The following RASA3 variants were observed in gnomAD, a reference collection of about 807,000 sequenced individuals.
The protein encoded by RASA3 is RAS p21 protein activator 3.
In RASA3, 73 loss-of-function variants were observed where a neutral mutation model predicts 110.0. The ratio of observed to expected loss-of-function variants is 0.66; its 90% CI spans 0.55 to 0.81. The LOEUF is 0.81. RASA3 is among the 30% of genes least tolerant of loss of function. RASA3 has a pLI of 0.00. For synonymous variants in RASA3, 500 were observed against 451.4 expected (o/e 1.11, Z -1.37); for missense variants, 976 against 1,113.2 (o/e 0.88, Z 1.75).
rs1416342914 is a variant in RASA3 at position 114,011,313 on chromosome 13, C to T, written c.1513-65G>A. ...CAGAAATGCTGTGACTGTCCCAGAT[C>T]GAGGGGACGAAATGCAGGAGTCACC... On this transcript the variant is annotated intron_variant, in intron 15 of 23. Transcript: ENST00000334062. The surrounding 1 kb of genome is among the most constrained non-coding windows in gnomAD (Gnocchi z 4.8). 9 of 1,400,310 alleles carry T rather than the reference C, an allele frequency of 6.4e-6. No individual in the cohort carries two copies. Among genetic ancestry groups the T allele is most frequent in the African/African-American group, 2.8e-5 (2 of 70,684 alleles). The allele number at this position is 1,400,310 out of a possible 1,614,324, so 86.7% of individuals were successfully genotyped here. A position where few individuals can be genotyped will look rare whatever the true frequency, so the allele number is the denominator to read the frequency against.
intron 23 of RASA3, among the ~76,000 whole-genome samples, chr13:113,980,222 C>T (rs2052892379): frequency 1.1e-5 from 1 of 91,276 alleles, no homozygotes; most frequent in African/African-American, 3.7e-5. Flanking sequence ...GTGTGTGCAC[C>T]TCCTGCTGTG....
chr13:114,016,169 C>T (rs904047086), intron 13 of RASA3, 28 bp downstream of exon 13: 1 of 1,539,346 alleles, frequency 6.5e-7, no homozygotes, highest in Non-Finnish European at 9.0e-7. Context: ...AGGTGACTGG[C>T]TTTGGTTGGT....
At chr13:114,130,968 C>T (rs2080510608) in intron 1 of RASA3, among the ~76,000 whole-genome samples, 1 of 152,276 alleles carries the variant, frequency 6.6e-6, no homozygotes, top group Non-Finnish European at 1.5e-5. Flanking sequence ...CCAGGCAAGG[C>T]GACCTCAGGC....
chr13:113,998,753 G>C (rs1347675359), intron 20 of RASA3, among the ~76,000 whole-genome samples: 1 of 152,238 alleles, frequency 6.6e-6, no homozygotes, highest in African/African-American at 2.4e-5. Flanking sequence ...AAAACCGAAG[G>C]CCTGCACGCC....
At chr13:114,036,930 G>C (rs1419026334) in intron 4 of RASA3, among the ~76,000 whole-genome samples, 1 of 152,234 alleles carries the variant, frequency 6.6e-6, no homozygotes, top group Non-Finnish European at 1.5e-5. Flanking sequence ...GACTGCATCA[G>C]TGAAGCAACG....
chr13:114,068,098 G>A (rs1195167802), intron 2 of RASA3, among the ~76,000 whole-genome samples: 2 of 152,250 alleles, frequency 1.3e-5, no homozygotes, highest in East Asian at 1.9e-4. Context: ...GCACCTCTGG[G>A]TGGAGGGGGC....
rs1316950258 is a variant in RASA3, at chr13:114,007,844, G to A, written c.1669-238C>T. Among the ~76,000 whole-genome samples the A allele has an allele frequency of 2.0e-5, 3 of 152,354 alleles. No homozygotes were observed. In the East Asian group the frequency reaches 5.8e-4, roughly 29 times the overall value. ...AGGCCGGGCTCAGGCAACACCTGGGGATCAACCTGCATCTCCAGAGGCCAC... is the reference window on the plus strand; with the variant it reads ...AGGCCGGGCTCAGGCAACACCTGGGAATCAACCTGCATCTCCAGAGGCCAC... On this transcript the variant is annotated intron_variant, in intron 17 of 23. Coordinates refer to ENST00000334062, the MANE Select transcript of RASA3 (RefSeq NM_007368.4).
rs1434413946 is a variant in RASA3 at position 114,018,084 on chromosome 13, G to A, written c.1091+20C>T. 1.7e-5 allele frequency: 26 copies of A among 1,495,866 alleles called. No homozygotes were observed. The highest frequency in any genetic ancestry group is 5.6e-5 in the African/African-American group (4 of 71,728). 92.7% of individuals were successfully genotyped at this position (1,495,866 alleles called of 1,614,324 possible). On this transcript the variant is annotated intron_variant, in intron 11 of 23. Coordinates refer to ENST00000334062, the MANE Select transcript of RASA3 (RefSeq NM_007368.4). ...TAGCGGGTCCAGGCCGCTCTCCCCC[G>A]GGGCAGGGTGGGCACTCACTGGGTC...
intron 15 of RASA3, 150 bp downstream of exon 15, chr13:114,012,992 C>A: frequency 1.6e-6 from 1 of 620,592 alleles, no homozygotes; most frequent in South Asian, 1.9e-5. Flanking sequence ...TCATTCCACA[C>A]ACACTCCCCA....
chr13:114,042,744 A>C (rs1383529371), intron 3 of RASA3, among the ~76,000 whole-genome samples: 3 of 152,222 alleles, frequency 2.0e-5, no homozygotes, highest in Non-Finnish European at 2.9e-5. Flanking sequence ...CCATCGGAAC[A>C]ACCCTGGCCT....
At chr13:114,060,740 C>T (rs1387761550) in intron 2 of RASA3, among the ~76,000 whole-genome samples, 2 of 152,238 alleles carry the variant, frequency 1.3e-5, no homozygotes, top group African/African-American at 2.4e-5. Context: ...GCGCTGCGCT[C>T]GCCCGCGGTG....
chr13:114,057,644 A>G lies in RASA3; in HGVS notation c.174-5489T>C, dbSNP rs1020024036. Among the ~76,000 whole-genome samples the G allele has an allele frequency of 1.3e-5, 2 of 152,202 alleles. No individual in the cohort carries two copies. Among genetic ancestry groups the G allele is most frequent in the Non-Finnish European group, 2.9e-5 (2 of 68,038 alleles). ...CAAGGCCACGATGCCATAGCCAGGG[A>G]GCCCTGAAGAAACTCCTGGAAGAAT... On this transcript the variant is annotated intron_variant, in intron 2 of 23. Transcript: ENST00000334062. This position sits in a 1 kb window ranked among gnomAD's most constrained non-coding sequence, Gnocchi z 5.0.
At chr13:114,040,776 C>A (rs1449221068) in intron 4 of RASA3, among the ~76,000 whole-genome samples, 1 of 146,390 alleles carries the variant, frequency 6.8e-6, no homozygotes, top group Admixed American at 6.7e-5. Context: ...GCAGAGCCTG[C>A]GCTCACTCCG....
chr13:113,993,000 C>T (rs2053154681), intron 21 of RASA3, among the ~76,000 whole-genome samples: 1 of 152,164 alleles, frequency 6.6e-6, no homozygotes, highest in African/African-American at 2.4e-5. Context: ...CTTATCAATA[C>T]ATAAGAAATT....
intron 4 of RASA3, among the ~76,000 whole-genome samples, chr13:114,039,851 C>A (rs1285854088): frequency 6.6e-6 from 1 of 152,236 alleles, no homozygotes; most frequent in Non-Finnish European, 1.5e-5. Flanking sequence ...CTGGACAGGA[C>A]CGGGGTGAGC....
intron 13 of RASA3, among the ~76,000 whole-genome samples, chr13:114,015,899 A>G: frequency 6.6e-6 from 1 of 152,050 alleles, no homozygotes; most frequent in Non-Finnish European, 1.5e-5. Context: ...TGTGCAGGGC[A>G]GACCCTCCGG....
chr13:114,043,719 G>A (rs77633251), intron 3 of RASA3, among the ~76,000 whole-genome samples: 15 of 152,172 alleles, frequency 9.9e-5, no homozygotes, highest in African/African-American at 3.1e-4. Flanking sequence ...CACCAGGGAG[G>A]CTCAGAGAGA....
At chr13:114,100,081 AGGCCAGGGTGGAGAGACCACACTGCC>A in intron 1 of RASA3, among the ~76,000 whole-genome samples, 1 of 150,698 alleles carries the variant, frequency 6.6e-6, no homozygotes, top group East Asian at 2.0e-4. Flanking sequence ...GAAGAGCGGC[AGGCCAGGGTGGAGAGACCACACTGCC>A]ACACCTGAAC....
intron 1 of RASA3, among the ~76,000 whole-genome samples, chr13:114,099,439 T>G (rs963110754): frequency 6.6e-6 from 1 of 151,794 alleles, no homozygotes; most frequent in Non-Finnish European, 1.5e-5. Context: ...GCCTCTCCCT[T>G]TCCAGGCACA....
Sources: gnomAD v4.1 joint callset for allele counts (sites outside exome capture counted in the v4.1 genomes callset) on GRCh38, gnomAD v4.1.1 for gene constraint, Gnocchi (gnomAD v3.1) non-coding constraint, MANE v1.5 for transcripts, NCBI Gene and HGNC (gene_info 2026-07-23, HGNC 2026-07-21) for gene names.